Variants in TTF2 observed in about 807,000 individuals in gnomAD.
TTF2 encodes the protein transcription termination factor 2.
TTF2 carries 108 observed loss-of-function variants against 142.4 expected under a neutral mutation model. The observed-to-expected ratio is 0.76, with a 90% CI of 0.65 to 0.89. The LOEUF (loss-of-function observed/expected upper bound fraction) is 0.89, where lower values mean the gene tolerates loss of function less well. TTF2 is among the 40% of genes least tolerant of loss of function. The probability of loss-of-function intolerance (pLI) is 0.00; values close to 1 mark genes in which losing one functional copy is unlikely to be tolerated. For missense variants in TTF2, 1,327 were observed against 1,379.8 expected, an observed-to-expected ratio of 0.96 and a Z score of 0.61; for synonymous variants, 483 against 506.2, an observed-to-expected ratio of 0.95 and a Z score of 0.61.
intron 18 of TTF2, chr1:117,094,612 T>C (rs1268651349): frequency 1.1e-5 from 5 of 474,756 alleles, no homozygotes; most frequent in South Asian, 3.1e-5. Context: ...ATAAAGTGGG[T>C]AAAGCTCTTT....
rs776853138 is a variant in TTF2, at chr1:117,097,364, C to G, written c.3200C>G (p.Ser1067Cys). Reference sequence around the variant, plus strand: ...TTCCTTTTGAAGGTAATGCTAATCTCTCTCTTGGCCGGAGGTGTTGGTCTA... The same window carrying G: ...TTCCTTTTGAAGGTAATGCTAATCTGTCTCTTGGCCGGAGGTGTTGGTCTA... ...HSRGPQVMLI[S>C]LLAGGVGLNL... is the part of the protein sequence containing the mutation. Residue 1067 changes from serine (S) to cysteine (C), a missense_variant, in exon 21 of 23, where the codon TCT becomes TGT. By Grantham distance (112) the Ser-to-Cys change is moderately radical. Transcript: ENST00000369466. The surrounding 1 kb of genome is among the most constrained non-coding windows in gnomAD (Gnocchi z 4.1). 1.9e-6 allele frequency: 3 copies of G among 1,614,136 alleles called. No individual in the cohort carries two copies. The highest frequency in any genetic ancestry group is 2.2e-5 in the South Asian group (2 of 91,080).
At position 117,085,709 on chromosome 1, in the gene TTF2, AGAGT is replaced by A. The variant is rs1159845594; in HGVS notation, c.2055-704_2055-701del. Among the ~76,000 whole-genome samples the A allele has an allele frequency of 1.3e-5, 2 of 152,210 alleles. No individual in the cohort carries two copies. The highest frequency in any genetic ancestry group is 4.8e-5 in the African/African-American group (2 of 41,544). On this transcript the variant is annotated intron_variant, in intron 11 of 22. Coordinates refer to ENST00000369466, the MANE Select transcript of TTF2 (RefSeq NM_003594.4). The surrounding 1 kb of genome is among the most constrained non-coding windows in gnomAD (Gnocchi z 4.7). ...ATTTTATTTACTTTTGAGACAGGAT[AGAGT>A]GAGACCCTACCTTGTCTCAAAAAAT...
At position 117,092,810 on chromosome 1, in the gene TTF2, A is replaced by C. The variant is rs1160980264; in HGVS notation, c.2885A>C (p.Glu962Ala). 1 of 1,614,174 alleles carries C rather than the reference A, an allele frequency of 6.2e-7. No individual in the cohort carries two copies. The highest frequency in any genetic ancestry group is 8.5e-7 in the Non-Finnish European group (1 of 1,180,024). The part of the protein sequence containing the change: ...EEQLSALTLS[E>A]LRDSEPSSTV... ...CAGCTCAGTGCTTTGACCTTGTCAG[A>C]ACTCCGTGACTCAGAGCCATCTTCC... The change falls in exon 18 of 23, where the codon GAA (glutamate) becomes GCA (alanine). Residue 962 changes from glutamate to alanine, a missense_variant. Physicochemically the swap from Glu to Ala is moderately radical, Grantham distance 107 (BLOSUM62 -1). Coordinates refer to ENST00000369466, the MANE Select transcript of TTF2 (RefSeq NM_003594.4). The surrounding 1 kb of genome is among the most constrained non-coding windows in gnomAD (Gnocchi z 4.4).
In TTF2 at chr1:117,096,182, A is replaced by G. The variant is rs762119724; in HGVS notation, c.3069A>G (p.Lys1023=). The G allele has an allele frequency of 6.2e-7, 1 of 1,614,034 alleles. No homozygotes were observed. The highest frequency in any genetic ancestry group is 8.5e-7 in the Non-Finnish European group (1 of 1,180,012). Residue 1023 remains lysine, a synonymous_variant, in exon 20 of 23, where the codon AAA becomes AAG. Coordinates refer to ENST00000369466, the MANE Select transcript of TTF2 (RefSeq NM_003594.4). ...TCTCTCAGTGGACCAACATGCTGAA[A>G]GTTGTAGCATTGCACCTGAAGAAGC... ...VIVSQWTNML[K]VVALHLKKHG... is the part of the protein sequence containing the mutation.
chr1:117,086,569 G>A lies in TTF2; in HGVS notation c.2160+47G>A, dbSNP rs760512157. The stretch of plus-strand genomic sequence containing the variant: ...GGAAGTGGAGTTGGAGCCACAGATG[G>A]TTTAATGGGAGTCTTTCTCAGCCTC... On this transcript the variant is annotated intron_variant, in intron 12 of 22. Coordinates refer to ENST00000369466, the MANE Select transcript of TTF2 (RefSeq NM_003594.4). This position sits in a 1 kb window ranked among gnomAD's most constrained non-coding sequence, Gnocchi z 4.2. 1 of 1,402,064 alleles carries A rather than the reference G, an allele frequency of 7.1e-7. No homozygotes were observed. Among genetic ancestry groups the A allele is most frequent in the Non-Finnish European group, 1.0e-6 (1 of 993,138 alleles). The allele number at this position is 1,402,064 out of a possible 1,614,324, so 86.9% of individuals were successfully genotyped here.
At position 117,076,577 on chromosome 1, in the gene TTF2, C is replaced by T. The variant is rs569384053; in HGVS notation, c.1391-64C>T. ...TCCCTCTCTCTTGACCTCACCTCCACACATATGGTCCCTTCACTTAGTTTG... is the reference window on the plus strand; with the variant it reads ...TCCCTCTCTCTTGACCTCACCTCCATACATATGGTCCCTTCACTTAGTTTG... On this transcript the variant is annotated intron_variant, in intron 6 of 22. Transcript: ENST00000369466. The surrounding 1 kb of genome is among the most constrained non-coding windows in gnomAD (Gnocchi z 4.6). 5 of 1,507,634 alleles carry T rather than the reference C, an allele frequency of 3.3e-6. No homozygotes were observed. Among genetic ancestry groups the T allele is most frequent in the Admixed American group, 2.0e-5 (1 of 50,740 alleles). The allele number at this position is 1,507,634 out of a possible 1,614,324, so 93.4% of individuals were successfully genotyped here. A position where few individuals can be genotyped will look rare whatever the true frequency, so the allele number is the denominator to read the frequency against.
rs1202036270 is a variant in TTF2, at chr1:117,090,237, G to A, written c.2496+29G>A. On this transcript the variant is annotated intron_variant, in intron 14 of 22. Transcript: ENST00000369466. The surrounding 1 kb of genome is among the most constrained non-coding windows in gnomAD (Gnocchi z 4.8). The stretch of plus-strand genomic sequence containing the variant: ...ATCAAGTTTGTACCTGTCCCTGGGG[G>A]AGGCCAGGGAAGGAACATGACTGTG... 2 of 1,608,840 alleles carry A rather than the reference G, an allele frequency of 1.2e-6. No homozygotes were observed. Among genetic ancestry groups the A allele is most frequent in the Admixed American group, 1.7e-5 (1 of 59,550 alleles).
At chr1:117,094,301 A>G (rs75561455) in intron 18 of TTF2, among the ~76,000 whole-genome samples, 2,570 of 152,260 alleles carry the variant, frequency 0.017, 76 homozygotes, top group African/African-American at 0.056. Context: ...GGACAGAGGA[A>G]GAACTTCTGT....
intron 13 of TTF2, among the ~76,000 whole-genome samples, chr1:117,089,736 C>T (rs1010808799): frequency 6.6e-6 from 1 of 151,984 alleles, no homozygotes; most frequent in Non-Finnish European, 1.5e-5. Context: ...TTCGAGTCAG[C>T]CATAAGAGGA....
chr1:117,088,664 T>C, intron 12 of TTF2, 137 bp from the exon 13 acceptor site: 1 of 808,318 alleles, frequency 1.2e-6, no homozygotes, highest in South Asian at 2.3e-5. Context: ...TCTTAATTCT[T>C]ATTTCAGTGT....
intron 11 of TTF2, 54 bp downstream of exon 11, chr1:117,084,222 C>T: frequency 1.2e-6 from 2 of 1,603,710 alleles, no homozygotes; most frequent in South Asian, 1.1e-5. Context: ...GCCCAAGGGC[C>T]CACGGGCCTT....
chr1:117,084,148 C>T lies in TTF2; in HGVS notation c.2034C>T (p.Asn678=), dbSNP rs894540455. ...KLRVYLYHGP[N]RDSRARVLST... ...GAGTCTATCTCTACCATGGGCCAAA[C>T]CGGGATTCACGTGCCAGAGTGTAAG... The change falls in exon 11 of 23, where the codon AAC becomes AAT. Residue 678 remains asparagine, a synonymous_variant. Transcript: ENST00000369466. 1.2e-6 allele frequency: 2 copies of T among 1,614,062 alleles called. No individual in the cohort carries two copies. The highest frequency in any genetic ancestry group is 8.5e-7 in the Non-Finnish European group (1 of 1,180,042).
chr1:117,095,699 T>C (rs1649065764), intron 19 of TTF2, among the ~76,000 whole-genome samples: 1 of 152,216 alleles, frequency 6.6e-6, no homozygotes, highest in African/African-American at 2.4e-5. Flanking sequence ...ATACCTGACA[T>C]ATGTGCTATA....
At chr1:117,082,075 G>A (rs1220513084) in intron 10 of TTF2, 128 bp downstream of exon 10, 1 of 1,311,132 alleles carries the variant, frequency 7.6e-7, no homozygotes, top group South Asian at 1.2e-5. Flanking sequence ...ACCAGTATTA[G>A]ATTACTCACC....
Position 117,093,871 on chromosome 1 carries a change from G to A in TTF2, c.2976+970G>A, listed in dbSNP as rs2057594. On this transcript the variant is annotated intron_variant, in intron 18 of 22. Coordinates refer to ENST00000369466, the MANE Select transcript of TTF2 (RefSeq NM_003594.4). The surrounding 1 kb of genome is among the most constrained non-coding windows in gnomAD (Gnocchi z 4.5). ...TTAATAGTTCAAACCACATACGGTTGTTTCAAGTAGGGAAGGAGGCTTCTT... is the reference window on the plus strand; with the variant it reads ...TTAATAGTTCAAACCACATACGGTTATTTCAAGTAGGGAAGGAGGCTTCTT... 0.22 allele frequency among the ~76,000 whole-genome samples: 34,229 copies of A among 152,140 alleles called. 3,890 individuals are homozygous for A. Among genetic ancestry groups the A allele is most frequent in the Middle Eastern group, 0.26 (75 of 294 alleles).
chr1:117,100,851 G>C lies in TTF2; in HGVS notation c.3345-529G>C, dbSNP rs1373339976. ...TTATTTTCATGTTTGTCTCGCTTTT[G>C]TTCTGCTTTGGAGCAAGACTATATT... On this transcript the variant is annotated intron_variant, in intron 22 of 22. Coordinates refer to ENST00000369466, the MANE Select transcript of TTF2 (RefSeq NM_003594.4). The surrounding 1 kb of genome is among the most constrained non-coding windows in gnomAD (Gnocchi z 4.6). Among the ~76,000 whole-genome samples the C allele has an allele frequency of 6.6e-6, 1 of 152,128 alleles. No homozygotes were observed.
chr1:117,075,176 GA>G lies in TTF2; in HGVS notation c.593del (p.Glu198GlyfsTer57). On this transcript the variant is annotated frameshift_variant, in exon 5 of 23. Coordinates refer to ENST00000369466, the MANE Select transcript of TTF2 (RefSeq NM_003594.4). LOFTEE classifies it high-confidence loss of function. The surrounding 1 kb of genome is among the most constrained non-coding windows in gnomAD (Gnocchi z 4.5). ...TGTAGTTCAAGAGAAGAAGCAAGAA[GA>G]GGGAGCAGAGATTCAGTGTGAGGCA... ...QSVVQEKKQE[E>X]GAEIQCEAET... is the part of the protein sequence containing the mutation. The G allele has an allele frequency of 1.2e-6, 2 of 1,614,188 alleles. No individual in the cohort carries two copies. The highest frequency in any genetic ancestry group is 1.7e-6 in the Non-Finnish European group (2 of 1,180,052).
At position 117,076,905 on chromosome 1, in the gene TTF2, C is replaced by A; in HGVS notation, c.1573+82C>A. The A allele has an allele frequency of 1.5e-6, 2 of 1,321,480 alleles. No homozygotes were observed. The highest frequency in any genetic ancestry group is 4.8e-5 in the East Asian group (2 of 41,718). The allele number at this position is 1,321,480 out of a possible 1,614,324, so 81.9% of individuals were successfully genotyped here. ...ACCCGGTACAGTAGTCACCTCTTATCCACACTTTCAGTTAACCTTAGTCAC... is the reference window on the plus strand; with the variant it reads ...ACCCGGTACAGTAGTCACCTCTTATACACACTTTCAGTTAACCTTAGTCAC... On this transcript the variant is annotated intron_variant, in intron 7 of 22. Transcript: ENST00000369466. This position sits in a 1 kb window ranked among gnomAD's most constrained non-coding sequence, Gnocchi z 4.6.
rs1429696393 is a variant in TTF2 at position 117,075,277 on chromosome 1, A to G, written c.693A>G (p.Arg231=). The stretch of plus-strand genomic sequence containing the variant: ...AGTGCCAAGGTAATGAGCTTACAAG[A>G]CCATCTGCATCTTCTCAGGAGAAAT... ...SQQCQGNELT[R]PSASSQEKSS... Residue 231 remains arginine (R), a synonymous_variant, in exon 5 of 23, where the codon AGA becomes AGG. Transcript: ENST00000369466. This position sits in a 1 kb window ranked among gnomAD's most constrained non-coding sequence, Gnocchi z 4.5. 4 of 1,614,114 alleles carry G rather than the reference A, an allele frequency of 2.5e-6. No individual in the cohort carries two copies. In the Admixed American group the frequency reaches 6.7e-5, roughly 27 times the overall value.
Sources: gnomAD v4.1 joint callset for allele counts (sites outside exome capture counted in the v4.1 genomes callset) on GRCh38, gnomAD v4.1.1 for gene constraint, Gnocchi (gnomAD v3.1) non-coding constraint, MANE v1.5 for transcripts, NCBI Gene and HGNC (gene_info 2026-07-23, HGNC 2026-07-21) for gene names.